Variants in WAS observed in about 807,000 individuals in gnomAD.
The protein encoded by WAS is WASP actin nucleation promoting factor, also known as actin nucleation-promoting factor WAS.
WAS carries 1 observed loss-of-function variant against 38.9 expected under a neutral mutation model. The observed-to-expected ratio is 0.03, with a 90% CI of 0.01 to 0.12. WAS has a LOEUF of 0.12. Ranked by LOEUF, WAS falls within the 10% of genes least tolerant of loss-of-function variation. WAS has a pLI of 1.00. For synonymous variants in WAS, 182 were observed against 173.6 expected (o/e 1.05, Z -0.38); for missense variants, 311 against 431.2 (o/e 0.72, Z 2.47).
intron 11 of WAS, 27 bp from the exon 12 acceptor site, chrX:48,691,080 G>A (rs1397298857): frequency 2.9e-5 from 35 of 1,205,767 alleles, no homozygotes; most frequent in Non-Finnish European, 3.9e-5. Flanking sequence ...ACCTCCCAGG[G>A]CATCTTATCT....
At position 48,691,266 on chromosome X, in the gene WAS, C is replaced by G; in HGVS notation, c.*104C>G. 1.2e-6 allele frequency: 1 copy of G among 821,153 alleles called. No individual in the cohort carries two copies. Among genetic ancestry groups the G allele is most frequent in the Admixed American group, 2.5e-5 (1 of 39,269 alleles). 67.7% of individuals were successfully genotyped at this position (821,153 alleles called of 1,213,427 possible). A position where few individuals can be genotyped will look rare whatever the true frequency, so the allele number is the denominator to read the frequency against. On this transcript the variant is annotated 3_prime_UTR_variant, in exon 12 of 12. Transcript: ENST00000376701. ...ACTCTCCTCTTCCAGGCCCCCAACC[C>G]CCCATTTCTTCCCCACCAACCCCTC...
At chrX:48,684,220 TG>T (rs782672601) in intron 1 of WAS, 62 bp from the exon 2 acceptor site, 224 of 1,204,969 alleles carry the variant, frequency 1.9e-4, no homozygotes, top group Non-Finnish European at 2.5e-4. Flanking sequence ...GGACCAGGTC[TG>T]GCTCCAAGAC....
upstream of WAS, chrX:48,683,736 G>C (rs2062409669): frequency 9.3e-7 from 1 of 1,073,210 alleles, no homozygotes; most frequent in African/African-American, 1.9e-5. Context: ...TGGAGGACTT[G>C]TTTCCCTTGT....
chrX:48,683,811 T>G lies in WAS; in HGVS notation c.-43T>G, dbSNP rs2062409908. The G allele has an allele frequency of 8.3e-7, 1 of 1,203,914 alleles. No individual in the cohort carries two copies. Among genetic ancestry groups the G allele is most frequent in the Admixed American group, 2.2e-5 (1 of 45,089 alleles). On this transcript the variant is annotated 5_prime_UTR_variant, in exon 1 of 12. Coordinates refer to ENST00000376701, the MANE Select transcript of WAS (RefSeq NM_000377.3). ...ATTGCGGAAGTTCCTCTTCTTACCC[T>G]GCACCCAGAGCCTCGCCAGAGAAGA...
At chrX:48,682,097 G>C (rs2062402101), upstream of WAS, among the ~76,000 whole-genome samples, 1 of 112,073 alleles carries the variant, frequency 8.9e-6, no homozygotes, top group Admixed American at 9.5e-5. Flanking sequence ...ATCTGGAGAA[G>C]TTAGAGACAT....
chrX:48,686,094 G>T lies in WAS; in HGVS notation c.519G>T (p.Gly173=). The change falls in exon 6 of 12, where the codon GGG becomes GGT. Residue 173 remains glycine (G), a synonymous_variant. Coordinates refer to ENST00000376701, the MANE Select transcript of WAS (RefSeq NM_000377.3). Reference sequence around the variant, plus strand: ...CCATCTTCCCAGAGAGAAGAGGAGGGCTCCCACCCCTGCCCCTGCATCCAG... The same window carrying T: ...CCATCTTCCCAGAGAGAAGAGGAGGTCTCCCACCCCTGCCCCTGCATCCAG... The part of the protein sequence containing the change: ...PTPANEERRG[G]LPPLPLHPGG... 1.6e-6 allele frequency: 2 copies of T among 1,212,166 alleles called. No homozygotes were observed. Among genetic ancestry groups the T allele is most frequent in the Non-Finnish European group, 2.2e-6 (2 of 895,558 alleles).
rs782041815 is a variant in WAS at position 48,688,994 on chromosome X, C to T, written c.1266C>T (p.Ala422=). ...PPPLPPALVP[A]GGLAPGGGRG... is the part of the protein sequence containing the mutation. The stretch of plus-strand genomic sequence containing the variant: ...CACTCCCTCCTGCTCTGGTGCCTGC[C>T]GGGGGCCTGGCCCCTGGTGGGGGTC... Residue 422 remains alanine, a synonymous_variant, in exon 10 of 12, where the codon GCC becomes GCT. Transcript: ENST00000376701. 33 of 1,196,961 alleles carry T rather than the reference C, an allele frequency of 2.8e-5. No individual in the cohort carries two copies. Among genetic ancestry groups the T allele is most frequent in the South Asian group, 3.6e-5 (2 of 54,916 alleles).
rs1390034309 is a variant in WAS, at chrX:48,691,263, A to AC, written c.*107dup. 31 of 813,257 alleles carry AC rather than the reference A, an allele frequency of 3.8e-5. No homozygotes were observed. Among genetic ancestry groups the AC allele is most frequent in the Non-Finnish European group, 5.2e-5 (29 of 556,041 alleles). The allele number at this position is 813,257 out of a possible 1,213,427, so 67.0% of individuals were successfully genotyped here. Reference sequence around the variant, plus strand: ...TCCACTCTCCTCTTCCAGGCCCCCAACCCCCCATTTCTTCCCCACCAACCC... The same window carrying AC: ...TCCACTCTCCTCTTCCAGGCCCCCAACCCCCCCATTTCTTCCCCACCAACCC... On this transcript the variant is annotated 3_prime_UTR_variant, in exon 12 of 12. Coordinates refer to ENST00000376701, the MANE Select transcript of WAS (RefSeq NM_000377.3).
chrX:48,689,455 C>T, intron 11 of WAS, 21 bp downstream of exon 11: 1 of 1,178,832 alleles, frequency 8.5e-7, no homozygotes, highest in Non-Finnish European at 1.1e-6. Context: ...CCTGCCGGGG[C>T]CTCAAACCTG....
Position 48,691,294 on chromosome X carries a change from A to G in WAS, c.*132A>G. 6.8e-6 allele frequency: 4 copies of G among 584,204 alleles called. No individual in the cohort carries two copies. The South Asian group carries it at 1.0e-4, about 15-fold the overall frequency. 48.1% of individuals were successfully genotyped at this position (584,204 alleles called of 1,213,427 possible). On this transcript the variant is annotated 3_prime_UTR_variant, in exon 12 of 12. Coordinates refer to ENST00000376701, the MANE Select transcript of WAS (RefSeq NM_000377.3). Reference sequence around the variant, plus strand: ...CATTTCTTCCCCACCAACCCCTCCAATGCTGTTATCCCTGCCTGGTCCTCA... The same window carrying G: ...CATTTCTTCCCCACCAACCCCTCCAGTGCTGTTATCCCTGCCTGGTCCTCA...
At chrX:48,684,021 A>G in intron 1 of WAS, 36 bp downstream of exon 1, 1 of 1,101,219 alleles carries the variant, frequency 9.1e-7, no homozygotes. Flanking sequence ...CCCCGTCCCC[A>G]CCGTTTCTTC....
chrX:48,678,886 A>G (rs2062395740), upstream of WAS, among the ~76,000 whole-genome samples: 1 of 111,604 alleles, frequency 9.0e-6, no homozygotes, highest in African/African-American at 3.3e-5. Flanking sequence ...CCAGCTCCAA[A>G]TTATTGATGC....
At chrX:48,683,300 C>T (rs1242139944), upstream of WAS, 2 of 111,718 alleles carry the variant, frequency 1.8e-5, no homozygotes, top group African/African-American at 3.3e-5. Flanking sequence ...TGCCCAGGCT[C>T]GTCTTGAACT....
intron 2 of WAS, 89 bp from the exon 3 acceptor site, chrX:48,685,458 A>G: frequency 1.5e-6 from 1 of 687,526 alleles, no homozygotes; most frequent in Non-Finnish European, 2.3e-6. Context: ...TCCCAAATCC[A>G]GACACCCTGC....
upstream of WAS, among the ~76,000 whole-genome samples, chrX:48,681,629 G>A (rs1028439567): frequency 1.8e-5 from 2 of 112,632 alleles, no homozygotes; most frequent in Admixed American, 9.3e-5. Flanking sequence ...CCAAATGCTG[G>A]AGATACGCCT....
At chrX:48,685,873 G>A in intron 4 of WAS, 37 bp downstream of exon 4, 3 of 1,208,134 alleles carry the variant, frequency 2.5e-6, no homozygotes, top group Non-Finnish European at 2.2e-6. Flanking sequence ...AAGTTGGGCA[G>A]AGGTGAGTGC....
Position 48,684,300 on chromosome X carries a change from T to A in WAS, c.150T>A (p.Val50=), listed in dbSNP as rs782672389. ...GRKCLTLATA[V]VQLYLALPPG... ...TCTCCCAGACGCTGGCCACTGCAGTTGTTCAGCTGTACCTGGCGCTGCCCC... is the reference window on the plus strand; with the variant it reads ...TCTCCCAGACGCTGGCCACTGCAGTAGTTCAGCTGTACCTGGCGCTGCCCC... Residue 50 remains valine, a synonymous_variant, in exon 2 of 12, where the codon GTT becomes GTA. Transcript: ENST00000376701. The A allele has an allele frequency of 1.8e-5, 22 of 1,209,784 alleles. No individual in the cohort carries two copies. Among genetic ancestry groups the A allele is most frequent in the Admixed American group, 2.2e-5 (1 of 45,686 alleles).
Position 48,689,849 on chromosome X carries a change from A to G in WAS, c.1453+415A>G, listed in dbSNP as rs371038390. ...GTTTCCATAAAAACTAAATTCAAAA[A>G]AAGTAGTCAAGCATAGTGGTGTGTG... On this transcript the variant is annotated intron_variant, in intron 11 of 11. Transcript: ENST00000376701. Among the ~76,000 whole-genome samples, 37 of 108,431 alleles carry G rather than the reference A, an allele frequency of 3.4e-4. 1 individual carries two copies. In the East Asian group the frequency reaches 0.01, roughly 31 times the overall value. The allele number at this position is 108,431 out of a possible 115,157, so 94.2% of individuals were successfully genotyped here.
rs1192409035 is a variant in WAS, at chrX:48,685,811, A to G, written c.438A>G (p.Gln146=). The change falls in exon 4 of 12, where the codon CAA becomes CAG. Residue 146 remains glutamine (Q), a synonymous_variant. Coordinates refer to ENST00000376701, the MANE Select transcript of WAS (RefSeq NM_000377.3). ...AFRALVQEKI[Q]KRNQRQSGDR... is the part of the protein sequence containing the mutation. ...GGGCCCTCGTGCAGGAGAAGATACAAAAAAGGAATCAGAGGCAAAGTGGAG... is the reference window on the plus strand; with the variant it reads ...GGGCCCTCGTGCAGGAGAAGATACAGAAAAGGAATCAGAGGCAAAGTGGAG... The G allele has an allele frequency of 8.4e-6, 10 of 1,191,328 alleles. No homozygotes were observed. The highest frequency in any genetic ancestry group is 1.8e-5 in the African/African-American group (1 of 56,575).
Sources: allele counts gnomAD v4.1 joint callset (sites outside exome capture counted in the v4.1 genomes callset), GRCh38; gene constraint gnomAD v4.1.1; transcripts MANE v1.5; gene names NCBI Gene and HGNC (gene_info 2026-07-23, HGNC 2026-07-21).